Variants in CDKN3 observed in about 807,000 individuals in gnomAD.
The protein encoded by CDKN3 is cyclin dependent kinase inhibitor 3, also known as cyclin-dependent kinase inhibitor 3.
CDKN3 carries 19 observed loss-of-function variants against 36.1 expected under a neutral mutation model. The observed-to-expected ratio is 0.53, with a 90% CI of 0.37 to 0.77. The LOEUF is 0.77. CDKN3 is among the 30% of genes least tolerant of loss of function. CDKN3 has a pLI of 0.00. For synonymous variants in CDKN3, 71 were observed against 85.3 expected, an observed-to-expected ratio of 0.83 and a Z score of 0.92; for missense variants, 188 against 248.6, an observed-to-expected ratio of 0.76 and a Z score of 1.64.
intron 3 of CDKN3, among the ~76,000 whole-genome samples, chr14:54,404,715 C>T (rs557198610): frequency 6.6e-6 from 1 of 152,238 alleles, no homozygotes; most frequent in Admixed American, 6.5e-5. Flanking sequence ...GCTGGGACTA[C>T]AGGCACCCAC....
chr14:54,411,011 T>C (rs888153369), intron 4 of CDKN3, among the ~76,000 whole-genome samples: 11 of 151,906 alleles, frequency 7.2e-5, no homozygotes, highest in African/African-American at 2.4e-4. Context: ...AAACCCCGTC[T>C]CTACTAAAAA....
chr14:54,411,894 A>G, intron 5 of CDKN3, 188 bp downstream of exon 5: 2 of 632,254 alleles, frequency 3.2e-6, no homozygotes, highest in South Asian at 3.6e-5. Flanking sequence ...TGCTGTTATT[A>G]CTTTTCAAGA....
At chr14:54,401,415 C>T (rs989053900) in intron 2 of CDKN3, 109 bp from the exon 3 acceptor site, 1 of 654,930 alleles carries the variant, frequency 1.5e-6, no homozygotes, top group Non-Finnish European at 2.7e-6. Flanking sequence ...TACTGTAAAA[C>T]TTTAACACAA....
At chr14:54,402,172 C>T (rs1024497315) in intron 3 of CDKN3, among the ~76,000 whole-genome samples, 3 of 150,160 alleles carry the variant, frequency 2.0e-5, no homozygotes, top group Non-Finnish European at 4.4e-5. Context: ...CACCACTGCA[C>T]TCCAGCCTGG....
intron 3 of CDKN3, among the ~76,000 whole-genome samples, chr14:54,405,285 G>A (rs1260303250): frequency 1.3e-5 from 2 of 152,190 alleles, no homozygotes; most frequent in Non-Finnish European, 2.9e-5. Flanking sequence ...TAGAATAAGT[G>A]CGATGTGGTG....
chr14:54,408,898 T>C lies in CDKN3; in HGVS notation c.193+109T>C, dbSNP rs1413976677. 2.8e-5 allele frequency: 39 copies of C among 1,375,420 alleles called. No individual in the cohort carries two copies. The Admixed American group carries it at 1.2e-3, about 42-fold the overall frequency. 85.2% of individuals were successfully genotyped at this position (1,375,420 alleles called of 1,614,324 possible). ...GTTTTTTTTTAATATAAAAATAAGTTTTCAATATTGTGTGAAGTTCCAAAC... is the reference window on the plus strand; with the variant it reads ...GTTTTTTTTTAATATAAAAATAAGTCTTCAATATTGTGTGAAGTTCCAAAC... On this transcript the variant is annotated intron_variant, in intron 4 of 7. Transcript: ENST00000335183.
intron 1 of CDKN3, among the ~76,000 whole-genome samples, chr14:54,397,459 G>A (rs1337595823): frequency 1.3e-5 from 2 of 152,198 alleles, no homozygotes; most frequent in Non-Finnish European, 2.9e-5. Context: ...AAGGGTGGCC[G>A]GGCGCTACCT....
At chr14:54,410,979 G>T (rs1594605647) in intron 4 of CDKN3, among the ~76,000 whole-genome samples, 1 of 152,184 alleles carries the variant, frequency 6.6e-6, no homozygotes, top group Admixed American at 6.5e-5. Flanking sequence ...GGGAGTTCAA[G>T]ACCAGCCTGA....
At chr14:54,403,794 T>C (rs2082709373) in intron 3 of CDKN3, among the ~76,000 whole-genome samples, 1 of 152,208 alleles carries the variant, frequency 6.6e-6, no homozygotes, top group Admixed American at 6.5e-5. Context: ...TCTGAGATAA[T>C]CATGTGGTTT....
chr14:54,399,846 C>A, intron 1 of CDKN3, 48 bp from the exon 2 acceptor site: 1 of 967,486 alleles, frequency 1.0e-6, no homozygotes, highest in East Asian at 2.4e-5. Flanking sequence ...TATCCTAAAA[C>A]TACAAAAAAA....
At chr14:54,411,769 T>C (rs1448786038) in intron 5 of CDKN3, 63 bp downstream of exon 5, 1 of 1,053,846 alleles carries the variant, frequency 9.5e-7, no homozygotes, top group Non-Finnish European at 1.5e-6. Flanking sequence ...TCTGGAATTA[T>C]GGTAGCCCTA....
At chr14:54,413,533 C>A in intron 5 of CDKN3, 1 of 1,093,288 alleles carries the variant, frequency 9.1e-7, no homozygotes, top group South Asian at 1.3e-5. Context: ...AGATGGGTGA[C>A]TTTGCATATG....
intron 5 of CDKN3, among the ~76,000 whole-genome samples, chr14:54,414,764 G>A (rs923119091): frequency 2.7e-5 from 4 of 147,776 alleles, no homozygotes; most frequent in Non-Finnish European, 5.9e-5. Context: ...GCCAAAGCTG[G>A]TCTTAAACTA....
Position 54,413,738 on chromosome 14 carries a change from G to A in CDKN3, c.416+2032G>A, listed in dbSNP as rs2030437969. ...TCTGGTAAACCTTTTTCACTGACCT[G>A]TTGTCTACCAGTGCTGTCTCACTGG... is the stretch of plus-strand genomic sequence containing the variant. On this transcript the variant is annotated intron_variant, in intron 5 of 7. Coordinates refer to ENST00000335183, the MANE Select transcript of CDKN3 (RefSeq NM_005192.4). The A allele has an allele frequency of 4.6e-6, 7 of 1,524,130 alleles. No homozygotes were observed. The Admixed American group carries it at 1.4e-4, about 31-fold the overall frequency. 94.4% of individuals were successfully genotyped at this position (1,524,130 alleles called of 1,614,324 possible). A position where few individuals can be genotyped will look rare whatever the true frequency, so the allele number is the denominator to read the frequency against.
chr14:54,412,301 C>T (rs1397827366), intron 5 of CDKN3, among the ~76,000 whole-genome samples: 1 of 151,822 alleles, frequency 6.6e-6, no homozygotes, highest in East Asian at 1.9e-4. Context: ...GGGGGAACTG[C>T]TTGAGCCTGG....
Position 54,397,043 on chromosome 14 carries a change from C to T in CDKN3, c.-26C>T. ...GCCGGCGCTGCAGAGGGAGGCGGCA[C>T]TGGTCTCGACGTGGGGCGGCCAGCG... On this transcript the variant is annotated 5_prime_UTR_variant, in exon 1 of 8. Transcript: ENST00000335183. 1 of 1,490,114 alleles carries T rather than the reference C, an allele frequency of 6.7e-7. No individual in the cohort carries two copies. The highest frequency in any genetic ancestry group is 9.0e-7 in the Non-Finnish European group (1 of 1,117,158). 92.3% of individuals were successfully genotyped at this position (1,490,114 alleles called of 1,614,324 possible). A position where few individuals can be genotyped will look rare whatever the true frequency, so the allele number is the denominator to read the frequency against.
intron 5 of CDKN3, 51 bp downstream of exon 5, chr14:54,411,757 T>C: frequency 8.6e-7 from 1 of 1,166,602 alleles, no homozygotes; most frequent in Non-Finnish European, 1.3e-6. Context: ...GTCAAAATGA[T>C]TTCTGGAATT....
At chr14:54,413,214 T>C (rs566872334) in intron 5 of CDKN3, among the ~76,000 whole-genome samples, 1 of 152,330 alleles carries the variant, frequency 6.6e-6, no homozygotes, top group South Asian at 2.1e-4. Context: ...GTACTAATTA[T>C]AAAAGCTAAA....
rs1026474954 is a variant in CDKN3, at chr14:54,413,631, C to T, written c.416+1925C>T. 31 of 1,535,196 alleles carry T rather than the reference C, an allele frequency of 2.0e-5. No homozygotes were observed. In the East Asian group the frequency reaches 7.3e-4, roughly 36 times the overall value. ...AGCTTTCGAAGGTGTCCTACGGTGA[C>T]TAGTTTATTTTCTATCCATTCTGCC... On this transcript the variant is annotated intron_variant, in intron 5 of 7. Coordinates refer to ENST00000335183, the MANE Select transcript of CDKN3 (RefSeq NM_005192.4).
Sources: allele counts gnomAD v4.1 joint callset (sites outside exome capture counted in the v4.1 genomes callset), GRCh38; gene constraint gnomAD v4.1.1; transcripts MANE v1.5; gene names NCBI Gene and HGNC (gene_info 2026-07-23, HGNC 2026-07-21).